The following CADM2 variants were observed in gnomAD, a reference collection of about 807,000 sequenced individuals.
The protein encoded by CADM2 is immunoglobulin superfamily member 4D.
CADM2 carries 12 observed loss-of-function variants against 49.8 expected under a neutral mutation model. The observed-to-expected ratio is 0.24, with a 90% CI of 0.15 to 0.39. The LOEUF is 0.39. CADM2 is among the 10% of genes least tolerant of loss of function. The pLI is 1.00. For missense variants in CADM2, 378 were observed against 492.3 expected, an observed-to-expected ratio of 0.77 and a Z score of 2.20; for synonymous variants, 214 against 175.4, an observed-to-expected ratio of 1.22 and a Z score of -1.74.
chr3:85,562,404 G>A (rs2062119368), intron 1 of CADM2, among the ~76,000 whole-genome samples: 1 of 145,872 alleles, frequency 6.9e-6, no homozygotes, highest in Non-Finnish European at 1.5e-5. Flanking sequence ...CTTGAACCCG[G>A]GAGGCAGAAG....
intron 1 of CADM2, among the ~76,000 whole-genome samples, chr3:85,607,010 A>G (rs897886525): frequency 6.6e-6 from 1 of 152,132 alleles, no homozygotes; most frequent in Non-Finnish European, 1.5e-5. Context: ...TTGTATAAGT[A>G]TTTCAATTAT....
intron 3 of CADM2, among the ~76,000 whole-genome samples, chr3:85,823,719 A>T (rs538639469): frequency 6.6e-6 from 1 of 152,278 alleles, no homozygotes; most frequent in Non-Finnish European, 1.5e-5. Flanking sequence ...TTTTAAGCAA[A>T]TCTATAGTAC....
At chr3:85,917,061 A>G (rs2108493410) in intron 6 of CADM2, among the ~76,000 whole-genome samples, 1 of 151,912 alleles carries the variant, frequency 6.6e-6, no homozygotes, top group South Asian at 2.1e-4. Flanking sequence ...TAGATTATGG[A>G]TATTAGCCAT....
At chr3:85,431,459 G>GT (rs1466680064) in intron 1 of CADM2, among the ~76,000 whole-genome samples, 2 of 152,138 alleles carry the variant, frequency 1.3e-5, no homozygotes, top group Admixed American at 1.3e-4. Flanking sequence ...TATCTTTAGG[G>GT]TTTTCAGGGA....
At chr3:85,091,224 G>A (rs554853525) in intron 1 of CADM2, among the ~76,000 whole-genome samples, 7 of 152,186 alleles carry the variant, frequency 4.6e-5, no homozygotes, top group African/African-American at 1.2e-4. Context: ...TGAAAAGTGA[G>A]AATGGCACTA....
At chr3:85,601,671 T>C (rs759341667) in intron 1 of CADM2, among the ~76,000 whole-genome samples, 22 of 151,642 alleles carry the variant, frequency 1.5e-4, no homozygotes, top group Non-Finnish European at 3.0e-4. Flanking sequence ...AGTATTTGAA[T>C]CTGTTTATCT....
At chr3:85,812,187 A>C (rs907872107) in intron 3 of CADM2, among the ~76,000 whole-genome samples, 14 of 152,158 alleles carry the variant, frequency 9.2e-5, no homozygotes, top group Admixed American at 2.6e-4. Context: ...AGCAATCTGC[A>C]GGTAGGTAAC....
chr3:85,329,089 G>A (rs933685791), intron 1 of CADM2, among the ~76,000 whole-genome samples: 1 of 151,986 alleles, frequency 6.6e-6, no homozygotes, highest in Non-Finnish European at 1.5e-5. Flanking sequence ...AAATGTATAG[G>A]GAGATAACTG....
At position 84,987,341 on chromosome 3, in the gene CADM2, G is replaced by C. The variant is rs1445649171; in HGVS notation, c.61+27673G>C. 4.6e-5 allele frequency among the ~76,000 whole-genome samples: 7 copies of C among 152,134 alleles called. No homozygotes were observed. In the East Asian group the frequency reaches 1.2e-3, roughly 26 times the overall value. ...AGCCAAATGCCATTTTCAATGACTA[G>C]TCTTTGTTTTGTTGTGCAATGCAAG... On this transcript the variant is annotated intron_variant, in intron 1 of 9. Transcript: ENST00000383699.
chr3:85,405,788 G>C (rs2035344668), intron 1 of CADM2, among the ~76,000 whole-genome samples: 1 of 151,742 alleles, frequency 6.6e-6, no homozygotes. Context: ...ATGTGCCATA[G>C]TGGTTTAAAA....
rs1053957086 is a variant in CADM2, at chr3:86,070,765, G to A, written c.*3982G>A. ...CAAAATATAGGTAACTACAGTGTAC[G>A]TACATGTAAGTATCTTGTACTTGCT... is the stretch of plus-strand genomic sequence containing the variant. On this transcript the variant is annotated 3_prime_UTR_variant, in exon 10 of 10. Transcript: ENST00000383699. The A allele has an allele frequency of 7.9e-5, 12 of 151,886 alleles. No homozygotes were observed. The highest frequency in any genetic ancestry group is 2.7e-4 in the African/African-American group (11 of 41,416). 9.4% of individuals were successfully genotyped at this position (151,886 alleles called of 1,614,324 possible).
At chr3:85,645,530 T>C (rs556632009) in intron 1 of CADM2, among the ~76,000 whole-genome samples, 1 of 152,132 alleles carries the variant, frequency 6.6e-6, no homozygotes, top group African/African-American at 2.4e-5. Context: ...AAGGTGGTTA[T>C]GCTAGAACTA....
At chr3:85,381,626 C>CA (rs1399446997) in intron 1 of CADM2, among the ~76,000 whole-genome samples, 4 of 150,034 alleles carry the variant, frequency 2.7e-5, no homozygotes, top group African/African-American at 2.4e-5. Context: ...AGCATTTTGC[C>CA]AAAAGTTTTC....
intron 1 of CADM2, among the ~76,000 whole-genome samples, chr3:85,212,872 T>TTCTTTCTTTCTC: frequency 1.1e-5 from 1 of 91,280 alleles, no homozygotes; most frequent in South Asian, 3.1e-4. Context: ...CTTTCTTTCT[T>TTCTTTCTTTCTC]TCTTTCTTTC....
At chr3:85,966,887 A>G (rs1277803824) in intron 8 of CADM2, among the ~76,000 whole-genome samples, 1 of 151,642 alleles carries the variant, frequency 6.6e-6, no homozygotes, top group African/African-American at 2.4e-5. Flanking sequence ...GATACGTCAT[A>G]TTTTATTGTT....
chr3:85,134,222 C>G (rs1030436722), intron 1 of CADM2, among the ~76,000 whole-genome samples: 2 of 152,208 alleles, frequency 1.3e-5, no homozygotes, highest in African/African-American at 2.4e-5. Flanking sequence ...CGCGCAGCCC[C>G]GGTTCCCGCT....
At chr3:85,066,300 C>T (rs2036527531) in intron 1 of CADM2, among the ~76,000 whole-genome samples, 1 of 151,444 alleles carries the variant, frequency 6.6e-6, no homozygotes, top group Admixed American at 6.6e-5. Flanking sequence ...GCAGTTGTTC[C>T]CAAATCTGGC....
chr3:85,347,618 TAC>T (rs2030857825), intron 1 of CADM2, among the ~76,000 whole-genome samples: 2 of 101,674 alleles, frequency 2.0e-5, no homozygotes, highest in East Asian at 1.1e-3. Context: ...AAAATATATA[TAC>T]ATATATATAA....
chr3:85,013,797 G>A (rs557716712), intron 1 of CADM2, among the ~76,000 whole-genome samples: 2 of 147,300 alleles, frequency 1.4e-5, no homozygotes, highest in Non-Finnish European at 3.0e-5. Flanking sequence ...TGTACTGAGG[G>A]CAGTAGTAAT....
Sources: gnomAD v4.1 joint callset for allele counts (sites outside exome capture counted in the v4.1 genomes callset) on GRCh38, gnomAD v4.1.1 for gene constraint, MANE v1.5 for transcripts, NCBI Gene and HGNC (gene_info 2026-07-23, HGNC 2026-07-21) for gene names.